SAMHD1: variants seen among roughly 807,000 people sequenced by gnomAD.
SAMHD1 encodes the protein deoxynucleoside triphosphate triphosphohydrolase SAMHD1.
Under a neutral mutation model 79.6 loss-of-function variants are expected in SAMHD1, and 54 were observed. That is an observed-to-expected ratio of 0.68 (90% confidence interval 0.55 to 0.85). The LOEUF (loss-of-function observed/expected upper bound fraction) is 0.85. Among genes scored for constraint, SAMHD1 ranks in the 40% least tolerant of loss-of-function variants. The pLI is 0.00. For synonymous variants in SAMHD1, 260 were observed against 264.1 expected (o/e 0.98, Z 0.15); for missense variants, 663 against 782.7 (o/e 0.85, Z 1.82).
intron 13 of SAMHD1, among the ~76,000 whole-genome samples, chr20:36,899,653 G>A (rs1275239427): frequency 6.6e-6 from 1 of 152,192 alleles, no homozygotes; most frequent in South Asian, 2.1e-4. Context: ...ACAGGCTTAG[G>A]TGGGAAGAAA....
intron 1 of SAMHD1, among the ~76,000 whole-genome samples, chr20:36,950,271 G>T (rs1007478107): frequency 1.3e-5 from 2 of 149,604 alleles, no homozygotes; most frequent in African/African-American, 4.9e-5. Context: ...GCTAGTCAAA[G>T]AAAATAAAGT....
rs959971394 is a variant in SAMHD1 at position 36,924,735 on chromosome 20, CT to C, written c.696+2446del. Among the ~76,000 whole-genome samples, 283 of 151,482 alleles carry C rather than the reference CT, an allele frequency of 1.9e-3. 1 individual carries two copies. The highest frequency in any genetic ancestry group is 6.4e-3 in the African/African-American group (263 of 41,288). ...TTCTCAGATAAAAATTTCTTTTCTTCTTTTTTTTTCTTCCCCAAGTAACAAG... is the reference window on the plus strand; with the variant it reads ...TTCTCAGATAAAAATTTCTTTTCTTCTTTTTTTTCTTCCCCAAGTAACAAG... On this transcript the variant is annotated intron_variant, in intron 6 of 15. Transcript: ENST00000646673.
In SAMHD1 at chr20:36,907,258, AT is replaced by A. The variant is rs550155288; in HGVS notation, c.1271-1756del. 4.3e-3 allele frequency among the ~76,000 whole-genome samples: 625 copies of A among 145,750 alleles called. 3 individuals are homozygous for A. Among genetic ancestry groups the A allele is most frequent in the Middle Eastern group, 0.015 (4 of 266 alleles). On this transcript the variant is annotated intron_variant, in intron 11 of 15. Coordinates refer to ENST00000646673, the MANE Select transcript of SAMHD1 (RefSeq NM_015474.4). The stretch of plus-strand genomic sequence containing the variant: ...GACGTACACCACCATGCCTGGCTAA[AT>A]TTTTTTTTGTTTGTTTTTGAGACAG...
At chr20:36,925,710 T>C (rs2063532131) in intron 6 of SAMHD1, among the ~76,000 whole-genome samples, 1 of 152,202 alleles carries the variant, frequency 6.6e-6, no homozygotes, top group Non-Finnish European at 1.5e-5. Flanking sequence ...CAGAAGAAGA[T>C]ATATCAATAA....
At chr20:36,939,285 GAAAAGA>G in intron 3 of SAMHD1, among the ~76,000 whole-genome samples, 1 of 121,804 alleles carries the variant, frequency 8.2e-6, no homozygotes, top group East Asian at 2.5e-4. Context: ...AAAAAGAAAA[GAAAAGA>G]AAAAGAAAAT....
intron 1 of SAMHD1, among the ~76,000 whole-genome samples, chr20:36,949,125 G>A (rs572911364): frequency 1.2e-3 from 179 of 151,608 alleles, no homozygotes; most frequent in East Asian, 1.6e-3. Context: ...TTAGCCAGGC[G>A]TGGTGGCGTG....
intron 4 of SAMHD1, chr20:36,931,110 T>C (rs2063565526): frequency 3.7e-6 from 2 of 543,574 alleles, no homozygotes; most frequent in Non-Finnish European, 6.7e-6. Flanking sequence ...CACAGTGAGA[T>C]ACCACTTCAC....
At chr20:36,907,728 G>A (rs1014208950) in intron 11 of SAMHD1, among the ~76,000 whole-genome samples, 5 of 149,052 alleles carry the variant, frequency 3.4e-5, no homozygotes, top group African/African-American at 9.9e-5. Context: ...TGCCCACTTC[G>A]GCCTCCCAAA....
intron 11 of SAMHD1, among the ~76,000 whole-genome samples, chr20:36,905,973 C>CA (rs1211773248): frequency 0.027 from 3,465 of 128,836 alleles, 146 homozygotes; most frequent in African/African-American, 0.091. Flanking sequence ...GAGACTGTCT[C>CA]AAAAAAAAAA....
At chr20:36,930,716 T>C (rs752057213) in intron 5 of SAMHD1, 44 bp downstream of exon 5, 42 of 1,284,340 alleles carry the variant, frequency 3.3e-5, no homozygotes, top group Non-Finnish European at 3.9e-5. Context: ...AGGTAACATA[T>C]GTTATGATTT....
At chr20:36,942,196 ACC>A (rs1339576145) in intron 2 of SAMHD1, among the ~76,000 whole-genome samples, 1 of 152,174 alleles carries the variant, frequency 6.6e-6, no homozygotes, top group Non-Finnish European at 1.5e-5. Flanking sequence ...TGGGTGGATC[ACC>A]TGAGGTTGGG....
At chr20:36,936,852 G>T (rs1342986008) in intron 3 of SAMHD1, among the ~76,000 whole-genome samples, 1 of 151,848 alleles carries the variant, frequency 6.6e-6, no homozygotes, top group Non-Finnish European at 1.5e-5. Flanking sequence ...GTAGAGATGG[G>T]GTTTCTGGCA....
intron 2 of SAMHD1, among the ~76,000 whole-genome samples, chr20:36,941,912 G>A (rs985606989): frequency 1.3e-5 from 2 of 152,058 alleles, no homozygotes; most frequent in African/African-American, 2.4e-5. Flanking sequence ...AGCAAATTTC[G>A]TGTTTTCCTA....
chr20:36,947,055 A>G (rs1276726365), intron 1 of SAMHD1: 2 of 371,912 alleles, frequency 5.4e-6, no homozygotes, highest in Non-Finnish European at 5.0e-6. Context: ...AGTTCCAAGA[A>G]AAACCAGTTG....
At chr20:36,919,871 C>T (rs1004026955) in intron 6 of SAMHD1, among the ~76,000 whole-genome samples, 2 of 152,036 alleles carry the variant, frequency 1.3e-5, no homozygotes, top group African/African-American at 4.8e-5. Context: ...CCTTTGAACA[C>T]GTGCAGTTAT....
chr20:36,916,492 CA>C (rs1031765859), intron 9 of SAMHD1: 6 of 443,662 alleles, frequency 1.4e-5, no homozygotes, highest in Admixed American at 3.8e-5. Flanking sequence ...ACCAACCAAA[CA>C]AAAAAACCCC....
intron 2 of SAMHD1, among the ~76,000 whole-genome samples, chr20:36,944,676 C>T (rs1600392815): frequency 6.6e-6 from 1 of 152,156 alleles, no homozygotes; most frequent in Non-Finnish European, 1.5e-5. Context: ...GGGTGGATCA[C>T]CTGAGGTCGG....
chr20:36,901,417 C>G (rs1990304592), intron 13 of SAMHD1, among the ~76,000 whole-genome samples: 1 of 152,178 alleles, frequency 6.6e-6, no homozygotes, highest in South Asian at 2.1e-4. Context: ...CAGAGAGAGA[C>G]CCTGTCTCAA....
chr20:36,894,207 T>C (rs1477441858), intron 15 of SAMHD1: 1 of 355,058 alleles, frequency 2.8e-6, no homozygotes, highest in Non-Finnish European at 5.0e-6. Context: ...TCTGACTTGA[T>C]AGAACTATTA....
Sources: gnomAD v4.1 joint callset for allele counts (sites outside exome capture counted in the v4.1 genomes callset) on GRCh38, gnomAD v4.1.1 for gene constraint, MANE v1.5 for transcripts, NCBI Gene and HGNC (gene_info 2026-07-23, HGNC 2026-07-21) for gene names.